Variants in PRKN observed in about 807,000 individuals in gnomAD.
The protein encoded by PRKN is E3 ubiquitin-protein ligase parkin.
Under a neutral mutation model 59.5 loss-of-function variants are expected in PRKN, and 56 were observed. That is an observed-to-expected ratio of 0.94 (90% CI 0.76 to 1.18). The LOEUF (loss-of-function observed/expected upper bound fraction) is 1.18, where lower values mean the gene tolerates loss of function less well. Ranked by LOEUF, PRKN falls within the 50% of genes most tolerant of loss-of-function variation. The pLI, the probability that PRKN is intolerant of heterozygous loss-of-function variation, is 0.00. For synonymous variants in PRKN, 250 were observed against 222.1 expected (o/e 1.13, Z -1.12); for missense variants, 657 against 596.4 (o/e 1.10, Z -1.06).
chr6:161,696,726 G>T (rs1414286686), intron 7 of PRKN, among the ~76,000 whole-genome samples: 1 of 152,092 alleles, frequency 6.6e-6, no homozygotes, highest in Admixed American at 6.6e-5. Flanking sequence ...TTATTGTTAA[G>T]ATTATTTCAG....
Position 161,471,464 on chromosome 6 carries a change from C to T in PRKN, c.1083+77390G>A, listed in dbSNP as rs1790786239. ...AAAACCAAACTAAACCAAACCAAAT[C>T]AAAACAACAAATCTTCAAGACATGA... On this transcript the variant is annotated intron_variant, in intron 9 of 11. Transcript: ENST00000366898. The surrounding 1 kb of genome is among the most constrained non-coding windows in gnomAD (Gnocchi z 4.5). Among the ~76,000 whole-genome samples, 1 of 151,992 alleles carries T rather than the reference C, an allele frequency of 6.6e-6. No homozygotes were observed. The highest frequency in any genetic ancestry group is 2.1e-4 in the South Asian group (1 of 4,828).
In PRKN at chr6:161,548,762, A is replaced by T; in HGVS notation, c.1083+92T>A. 8.2e-7 allele frequency: 1 copy of T among 1,217,622 alleles called. No individual in the cohort carries two copies. The highest frequency in any genetic ancestry group is 2.1e-5 in the Admixed American group (1 of 47,880). The allele number at this position is 1,217,622 out of a possible 1,614,324, so 75.4% of individuals were successfully genotyped here. On this transcript the variant is annotated intron_variant, in intron 9 of 11. Coordinates refer to ENST00000366898, the MANE Select transcript of PRKN (RefSeq NM_004562.3). This position sits in a 1 kb window ranked among gnomAD's most constrained non-coding sequence, Gnocchi z 4.2. ...CAAAGATGTCTAAGTCCAAAGGGAA[A>T]ATGAAAATAAAATAAAAATATAATC...
intron 4 of PRKN, among the ~76,000 whole-genome samples, chr6:162,095,939 C>A (rs1210232107): frequency 6.6e-6 from 1 of 152,018 alleles, no homozygotes; most frequent in Non-Finnish European, 1.5e-5. Flanking sequence ...GGACACACAC[C>A]CACAGTGCCT....
chr6:162,447,410 T>A (rs1790371239), intron 1 of PRKN, among the ~76,000 whole-genome samples: 2 of 151,966 alleles, frequency 1.3e-5, no homozygotes, highest in Non-Finnish European at 2.9e-5. Context: ...AAATGCATTG[T>A]TTTAATAATT....
At chr6:161,808,836 CTGTTT>C (rs201816502) in intron 6 of PRKN, among the ~76,000 whole-genome samples, 4 of 151,934 alleles carry the variant, frequency 2.6e-5, no homozygotes, top group Non-Finnish European at 4.4e-5. Flanking sequence ...GTATTTTGTT[CTGTTT>C]TGTTTTGTTT....
At chr6:162,563,596 A>G (rs1465204403) in intron 1 of PRKN, among the ~76,000 whole-genome samples, 1 of 152,198 alleles carries the variant, frequency 6.6e-6, no homozygotes, top group African/African-American at 2.4e-5. Context: ...CCAACTCTTC[A>G]ATGCCCAGAC....
intron 7 of PRKN, among the ~76,000 whole-genome samples, chr6:161,735,089 C>T (rs188590688): frequency 7.5e-4 from 113 of 151,518 alleles, no homozygotes; most frequent in African/African-American, 2.6e-3. Flanking sequence ...TCTTCTCCAG[C>T]CTCTGTTCCC....
Position 162,426,571 on chromosome 6 carries a change from C to T in PRKN, c.171+16739G>A, listed in dbSNP as rs563459953. On this transcript the variant is annotated intron_variant, in intron 2 of 11. Coordinates refer to ENST00000366898, the MANE Select transcript of PRKN (RefSeq NM_004562.3). Reference sequence around the variant, plus strand: ...GCTCAAGCCATCCTCCCACCTCATCCCCAAGTGGCTGGGACTACAGGTGCA... The same window carrying T: ...GCTCAAGCCATCCTCCCACCTCATCTCCAAGTGGCTGGGACTACAGGTGCA... 1.4e-3 allele frequency among the ~76,000 whole-genome samples: 218 copies of T among 152,322 alleles called. 1 individual carries two copies. Among genetic ancestry groups the T allele is most frequent in the Middle Eastern group, 3.4e-3 (1 of 294 alleles).
At chr6:162,036,155 T>A (rs537189467) in intron 5 of PRKN, among the ~76,000 whole-genome samples, 2 of 151,568 alleles carry the variant, frequency 1.3e-5, no homozygotes, top group East Asian at 2.0e-4. Context: ...AAACCCCGTC[T>A]CTACTAAATA....
chr6:162,324,876 A>T (rs1339226072), intron 2 of PRKN, among the ~76,000 whole-genome samples: 1 of 152,138 alleles, frequency 6.6e-6, no homozygotes, highest in Non-Finnish European at 1.5e-5. Context: ...CAATGGCAAT[A>T]TTGTGTCCTA....
intron 2 of PRKN, among the ~76,000 whole-genome samples, chr6:162,424,869 T>C (rs1452600907): frequency 1.3e-5 from 2 of 152,280 alleles, no homozygotes; most frequent in African/African-American, 4.8e-5. Flanking sequence ...ACAATTTTGC[T>C]GTGAACCCAG....
rs1024868542 is a variant in PRKN at position 161,790,400 on chromosome 6, G to A, written c.735-4492C>T. Among the ~76,000 whole-genome samples, 20 of 152,140 alleles carry A rather than the reference G, an allele frequency of 1.3e-4. 1 individual carries two copies. Among genetic ancestry groups the A allele is most frequent in the Admixed American group, 1.0e-3 (16 of 15,278 alleles). On this transcript the variant is annotated intron_variant, in intron 6 of 11. Coordinates refer to ENST00000366898, the MANE Select transcript of PRKN (RefSeq NM_004562.3). ...CTCTAGGAGACACACCTAGCATAAG[G>A]CCTCTAGACTGTGGGATTCACTGAA...
intron 1 of PRKN, among the ~76,000 whole-genome samples, chr6:162,486,670 A>G (rs1317622663): frequency 6.6e-6 from 1 of 152,224 alleles, no homozygotes. Context: ...AACAAGAAAG[A>G]CTATTTTATA....
chr6:162,395,628 G>A (rs1787436639), intron 2 of PRKN, among the ~76,000 whole-genome samples: 1 of 151,962 alleles, frequency 6.6e-6, no homozygotes, highest in African/African-American at 2.4e-5. Context: ...ACGTTTTGAA[G>A]TAACTCATTA....
In PRKN at chr6:161,378,604, G is replaced by A. The variant is rs577482470; in HGVS notation, c.1167+8190C>T. On this transcript the variant is annotated intron_variant, in intron 10 of 11. Coordinates refer to ENST00000366898, the MANE Select transcript of PRKN (RefSeq NM_004562.3). The surrounding 1 kb of genome is among the most constrained non-coding windows in gnomAD (Gnocchi z 7.3). ...CCAGCACTAGCATCTGCAGGCTGCC[G>A]GCACCCTGCATGGCACTGCATTGTG... Among the ~76,000 whole-genome samples the A allele has an allele frequency of 3.9e-5, 6 of 152,240 alleles. No homozygotes were observed. The East Asian group carries it at 7.7e-4, about 20-fold the overall frequency.
intron 3 of PRKN, among the ~76,000 whole-genome samples, chr6:162,225,330 A>G (rs1224268258): frequency 2.0e-5 from 3 of 152,052 alleles, no homozygotes; most frequent in African/African-American, 7.2e-5. Flanking sequence ...AAACCAACAC[A>G]CCTACATTGG....
intron 1 of PRKN, among the ~76,000 whole-genome samples, chr6:162,644,430 C>A (rs1420626666): frequency 6.6e-6 from 1 of 152,132 alleles, no homozygotes; most frequent in African/African-American, 2.4e-5. Context: ...GGCTGGTGAT[C>A]ACCATCACTG....
At chr6:161,831,752 C>A (rs1404310301) in intron 6 of PRKN, among the ~76,000 whole-genome samples, 1 of 152,044 alleles carries the variant, frequency 6.6e-6, no homozygotes, top group African/African-American at 2.4e-5. Context: ...TGGCTTGGTA[C>A]CCTATTCAGA....
intron 7 of PRKN, among the ~76,000 whole-genome samples, chr6:161,692,947 CAA>C (rs59954623): frequency 4.1e-5 from 5 of 120,892 alleles, no homozygotes; most frequent in East Asian, 2.3e-4. Flanking sequence ...GACTCTGTCT[CAA>C]AAAAAAAAAA....
Sources: allele counts gnomAD v4.1 joint callset (sites outside exome capture counted in the v4.1 genomes callset), GRCh38; gene constraint gnomAD v4.1.1; non-coding constraint Gnocchi (gnomAD v3.1); transcripts MANE v1.5; gene names NCBI Gene and HGNC (gene_info 2026-07-23, HGNC 2026-07-21).